ACSS3: variants seen among roughly 807,000 people sequenced by gnomAD.
The protein encoded by ACSS3 is acyl-CoA synthetase short chain family member 3, also known as acyl-CoA synthetase short-chain family member 3, mitochondrial.
ACSS3 carries 64 observed loss-of-function variants against 84.2 expected under a neutral mutation model. The observed-to-expected ratio is 0.76, with a 90% CI of 0.62 to 0.94. ACSS3 has a LOEUF of 0.94. Among genes scored for constraint, ACSS3 ranks in the 40% least tolerant of loss-of-function variants. The pLI is 0.00. For missense variants in ACSS3, 815 were observed against 867.6 expected (o/e 0.94, Z 0.76); for synonymous variants, 317 against 310.1 (o/e 1.02, Z -0.23).
Position 81,242,330 on chromosome 12 carries a change from G to C in ACSS3, c.1719+8859G>C, listed in dbSNP as rs144349054. On this transcript the variant is annotated intron_variant, in intron 13 of 15. Coordinates refer to ENST00000548058, the MANE Select transcript of ACSS3 (RefSeq NM_024560.4). ...CAGGAAGAAGTTGAATCTCTGAATA[G>C]ACCAATAACAGGAGCTGAAATTGTG... 3.4e-3 allele frequency among the ~76,000 whole-genome samples: 513 copies of C among 152,176 alleles called. 6 individuals are homozygous for C. The highest frequency in any genetic ancestry group is 0.012 in the African/African-American group (487 of 41,514).
intron 5 of ACSS3, among the ~76,000 whole-genome samples, chr12:81,148,347 T>C (rs1886443829): frequency 1.3e-5 from 2 of 152,176 alleles, no homozygotes; most frequent in Non-Finnish European, 2.9e-5. Context: ...AATAGCCCCA[T>C]TTATGACAAT....
At chr12:81,131,733 T>G (rs2121549804) in intron 2 of ACSS3, among the ~76,000 whole-genome samples, 1 of 152,344 alleles carries the variant, frequency 6.6e-6, no homozygotes, top group Middle Eastern at 3.4e-3. Flanking sequence ...TTCCAGTTTT[T>G]GGCCATTCGG....
At chr12:81,153,300 C>G (rs575772937) in intron 7 of ACSS3, among the ~76,000 whole-genome samples, 2 of 151,242 alleles carry the variant, frequency 1.3e-5, no homozygotes, top group South Asian at 2.1e-4. Context: ...CCCAGCTACT[C>G]AGGAGGCTGA....
chr12:81,254,557 G>A (rs1422081019), intron 15 of ACSS3, among the ~76,000 whole-genome samples: 1 of 152,036 alleles, frequency 6.6e-6, no homozygotes, highest in South Asian at 2.1e-4. Context: ...ATGTGAACAA[G>A]TGACAAAAAA....
intron 13 of ACSS3, among the ~76,000 whole-genome samples, chr12:81,240,291 A>G (rs557618868): frequency 7.7e-4 from 117 of 151,982 alleles, no homozygotes; most frequent in Non-Finnish European, 1.4e-3. Context: ...CCTCTTTATC[A>G]TTATGTAATG....
intron 8 of ACSS3, among the ~76,000 whole-genome samples, chr12:81,179,271 C>CAAAAAA (rs71098127): frequency 2.6e-3 from 170 of 66,080 alleles, no homozygotes; most frequent in Middle Eastern, 0.016. Flanking sequence ...AAGTAATTGC[C>CAAAAAA]AAAAAAAAAA....
chr12:81,090,919 T>C (rs896378419), intron 1 of ACSS3, among the ~76,000 whole-genome samples: 1 of 152,076 alleles, frequency 6.6e-6, no homozygotes, highest in Non-Finnish European at 1.5e-5. Context: ...TAGTGTAATA[T>C]TTGCATATAA....
Position 81,139,244 on chromosome 12 carries a change from C to A in ACSS3, c.759C>A (p.Leu253=). ...GACAACACAAACCAGACAAAATTCTCATTTATAATCGTCCAAATATGGTAA... is the reference window on the plus strand; with the variant it reads ...GACAACACAAACCAGACAAAATTCTAATTTATAATCGTCCAAATATGGTAA... The part of the protein sequence containing the change: ...KIGQHKPDKI[L]IYNRPNMEAV... Residue 253 remains leucine, a synonymous_variant, in exon 4 of 16, where the codon CTC becomes CTA. Coordinates refer to ENST00000548058, the MANE Select transcript of ACSS3 (RefSeq NM_024560.4). 2 of 1,613,876 alleles carry A rather than the reference C, an allele frequency of 1.2e-6. No homozygotes were observed. The highest frequency in any genetic ancestry group is 1.7e-6 in the Non-Finnish European group (2 of 1,179,906).
At chr12:81,160,321 T>G (rs1426626685) in intron 7 of ACSS3, among the ~76,000 whole-genome samples, 1 of 152,228 alleles carries the variant, frequency 6.6e-6, no homozygotes, top group Non-Finnish European at 1.5e-5. Flanking sequence ...TTCAGTATGT[T>G]TACTAGATTA....
At chr12:81,248,883 C>T (rs530093401) in intron 13 of ACSS3, among the ~76,000 whole-genome samples, 5 of 151,526 alleles carry the variant, frequency 3.3e-5, no homozygotes, top group Non-Finnish European at 7.4e-5. Flanking sequence ...ACAAAAAAAC[C>T]GTAAAATTTA....
At chr12:81,099,346 T>C (rs1593038705) in intron 1 of ACSS3, among the ~76,000 whole-genome samples, 1 of 152,290 alleles carries the variant, frequency 6.6e-6, no homozygotes, top group East Asian at 1.9e-4. Context: ...AGGAAGCTCA[T>C]AACAGAAAGT....
chr12:81,188,003 A>C (rs2031365796), intron 8 of ACSS3, among the ~76,000 whole-genome samples: 1 of 151,992 alleles, frequency 6.6e-6, no homozygotes, highest in South Asian at 2.1e-4. Context: ...TTGCTAAGCA[A>C]ATTTGAGAAT....
chr12:81,213,097 C>A (rs2032658596), intron 9 of ACSS3, among the ~76,000 whole-genome samples: 1 of 152,104 alleles, frequency 6.6e-6, no homozygotes, highest in Non-Finnish European at 1.5e-5. Flanking sequence ...TAGCTATTTC[C>A]CAATTGCAAC....
At chr12:81,097,335 A>C (rs980959001) in intron 1 of ACSS3, among the ~76,000 whole-genome samples, 1 of 152,210 alleles carries the variant, frequency 6.6e-6, no homozygotes, top group South Asian at 2.1e-4. Context: ...AATACACATA[A>C]ATCAGTTATA....
chr12:81,231,020 T>G, intron 11 of ACSS3, 37 bp from the exon 12 acceptor site: 1 of 1,498,218 alleles, frequency 6.7e-7, no homozygotes, highest in Non-Finnish European at 9.2e-7. Flanking sequence ...TTATTACCAC[T>G]TTCATCATAA....
chr12:81,234,659 C>T (rs1363970441), intron 13 of ACSS3, among the ~76,000 whole-genome samples: 1 of 151,440 alleles, frequency 6.6e-6, no homozygotes, highest in Non-Finnish European at 1.5e-5. Context: ...TGATATTGAG[C>T]ATCTTTTCAC....
intron 7 of ACSS3, among the ~76,000 whole-genome samples, chr12:81,169,315 A>G (rs1268424640): frequency 1.3e-5 from 2 of 152,328 alleles, no homozygotes; most frequent in South Asian, 2.1e-4. Flanking sequence ...CTGCCATAAC[A>G]CAAAGTCCTT....
At chr12:81,118,826 C>G (rs1168798873) in intron 2 of ACSS3, among the ~76,000 whole-genome samples, 1 of 152,130 alleles carries the variant, frequency 6.6e-6, no homozygotes, top group Non-Finnish European at 1.5e-5. Context: ...TGAACTAAAA[C>G]ATGATTCCTG....
chr12:81,108,995 G>A (rs1409432776), intron 1 of ACSS3, among the ~76,000 whole-genome samples: 1 of 152,138 alleles, frequency 6.6e-6, no homozygotes, highest in East Asian at 1.9e-4. Flanking sequence ...TTATATGCAT[G>A]TCCCTTCTTT....
Sources: gnomAD v4.1 joint callset for allele counts (sites outside exome capture counted in the v4.1 genomes callset) on GRCh38, gnomAD v4.1.1 for gene constraint, MANE v1.5 for transcripts, NCBI Gene and HGNC (gene_info 2026-07-23, HGNC 2026-07-21) for gene names.